The following ADAM22 variants were observed in gnomAD, a reference collection of about 807,000 sequenced individuals.
The protein encoded by ADAM22 is ADAM metallopeptidase domain 22.
ADAM22 carries 65 observed loss-of-function variants against 144.6 expected under a neutral mutation model. That is an observed-to-expected ratio of 0.45 (90% CI 0.37 to 0.55). The LOEUF (loss-of-function observed/expected upper bound fraction) is 0.55, where lower values mean the gene tolerates loss of function less well. ADAM22 is among the 20% of genes least tolerant of loss of function. ADAM22 has a pLI of 0.00. For synonymous variants in ADAM22, 391 were observed against 412.6 expected, an observed-to-expected ratio of 0.95 and a Z score of 0.63; for missense variants, 974 against 1,184.9, an observed-to-expected ratio of 0.82 and a Z score of 2.61.
chr7:87,948,709 A>G (rs1246717396), intron 2 of ADAM22, among the ~76,000 whole-genome samples: 2 of 152,190 alleles, frequency 1.3e-5, no homozygotes, highest in African/African-American at 4.8e-5. Flanking sequence ...GTATTCTAAA[A>G]GTAAAATTTG....
At position 88,193,121 on chromosome 7, in the gene ADAM22, T is replaced by C; in HGVS notation, c.2756T>C (p.Leu919Ser). 1 of 1,614,020 alleles carries C rather than the reference T, an allele frequency of 6.2e-7. No homozygotes were observed. The highest frequency in any genetic ancestry group is 8.5e-7 in the Non-Finnish European group (1 of 1,179,924). Reference sequence around the variant, plus strand: ...TCATGTTCTCAACATCTCAGGACTTTATCTCCTGCCAAGTCTCCTTCTTCA... The same window carrying C: ...TCATGTTCTCAACATCTCAGGACTTCATCTCCTGCCAAGTCTCCTTCTTCA... ...KNTEGPYFRT[L>S]SPAKSPSSST... Residue 919 changes from leucine (L) to serine (S), a missense_variant, in exon 31 of 32, where the codon TTA (leucine) becomes TCA (serine). Transcript: ENST00000413139.
At chr7:88,111,872 G>A (rs1362658750) in intron 5 of ADAM22, among the ~76,000 whole-genome samples, 1 of 152,096 alleles carries the variant, frequency 6.6e-6, no homozygotes, top group East Asian at 1.9e-4. Flanking sequence ...TACAGATAGT[G>A]TCAGAATCTG....
At chr7:88,085,442 A>G (rs1008142471) in intron 4 of ADAM22, among the ~76,000 whole-genome samples, 1 of 152,226 alleles carries the variant, frequency 6.6e-6, no homozygotes, top group Non-Finnish European at 1.5e-5. Flanking sequence ...AAAGAGCTGG[A>G]TGCAGTGTCA....
chr7:87,957,107 A>G (rs974270657), intron 2 of ADAM22, among the ~76,000 whole-genome samples: 1 of 152,180 alleles, frequency 6.6e-6, no homozygotes, highest in Non-Finnish European at 1.5e-5. Context: ...TAAGCTCAGT[A>G]CCTGTGAGGC....
intron 3 of ADAM22, among the ~76,000 whole-genome samples, chr7:87,990,178 C>A (rs1212081686): frequency 6.6e-6 from 1 of 152,044 alleles, no homozygotes; most frequent in Non-Finnish European, 1.5e-5. Flanking sequence ...AAGGACATGA[C>A]AACGTGGTCT....
Position 88,143,212 on chromosome 7 carries a change from TAGAG to T in ADAM22, c.1320+90_1320+93del, listed in dbSNP as rs951455151. On this transcript the variant is annotated intron_variant, in intron 15 of 31. Coordinates refer to ENST00000413139, the MANE Select transcript of ADAM22 (RefSeq NM_001324418.2). ...ATACACATTTTCAGCTATTGAATCTTAGAGAGCTTTTCAACTTGCCCTGTATGTA... is the reference window on the plus strand; with the variant it reads ...ATACACATTTTCAGCTATTGAATCTTAGCTTTTCAACTTGCCCTGTATGTA... The T allele has an allele frequency of 2.6e-5, 25 of 944,690 alleles. No individual in the cohort carries two copies. In the African/African-American group the frequency reaches 3.0e-4, roughly 11 times the overall value. The allele number at this position is 944,690 out of a possible 1,614,324, so 58.5% of individuals were successfully genotyped here.
chr7:88,167,371 T>G (rs1563375624), intron 24 of ADAM22, among the ~76,000 whole-genome samples: 1 of 152,070 alleles, frequency 6.6e-6, no homozygotes, highest in Non-Finnish European at 1.5e-5. Flanking sequence ...GCTGTGATGA[T>G]CCCCTTAAAG....
At chr7:88,065,070 A>T (rs895516576) in intron 3 of ADAM22, among the ~76,000 whole-genome samples, 1 of 152,176 alleles carries the variant, frequency 6.6e-6, no homozygotes, top group Non-Finnish European at 1.5e-5. Context: ...AAATTTTGTG[A>T]TAAGTACCCA....
chr7:88,144,905 A>G lies in ADAM22; in HGVS notation c.1321-220A>G, dbSNP rs533543602. ...GTTATATATATAAATATATAGGTAA[A>G]CTATTTACTATGTATATTAAATATG... On this transcript the variant is annotated intron_variant, in intron 15 of 31. Transcript: ENST00000413139. Among the ~76,000 whole-genome samples, 94 of 152,170 alleles carry G rather than the reference A, an allele frequency of 6.2e-4. 3 individuals carry two copies. The South Asian group carries it at 0.018, about 30-fold the overall frequency.
chr7:88,108,356 G>C, intron 5 of ADAM22, 98 bp downstream of exon 5: 1 of 934,398 alleles, frequency 1.1e-6, no homozygotes. Context: ...TTTGTGTCAA[G>C]AAATGACTTT....
At chr7:88,113,973 G>A (rs989463625) in intron 5 of ADAM22, among the ~76,000 whole-genome samples, 1 of 151,624 alleles carries the variant, frequency 6.6e-6, no homozygotes, top group African/African-American at 2.4e-5. Flanking sequence ...AATTTGGCAA[G>A]TTACTTTATC....
intron 31 of ADAM22, 92 bp from the exon 32 acceptor site, chr7:88,196,379 G>T: frequency 7.0e-7 from 1 of 1,429,386 alleles, no homozygotes. Flanking sequence ...CATATATATG[G>T]ATGGAATCAC....
chr7:88,049,290 G>T (rs1053386945), intron 3 of ADAM22, among the ~76,000 whole-genome samples: 2 of 152,102 alleles, frequency 1.3e-5, no homozygotes, highest in African/African-American at 4.8e-5. Flanking sequence ...GTCCATGTAG[G>T]GTAAATAACT....
chr7:87,967,898 A>G (rs1190134603), intron 2 of ADAM22, among the ~76,000 whole-genome samples: 1 of 150,764 alleles, frequency 6.6e-6, no homozygotes, highest in African/African-American at 2.4e-5. Context: ...CCCTCAATTT[A>G]GCTGGAAAGA....
chr7:88,130,939 C>T (rs1428178564), intron 10 of ADAM22, among the ~76,000 whole-genome samples: 2 of 152,080 alleles, frequency 1.3e-5, no homozygotes, highest in African/African-American at 4.8e-5. Context: ...TTTGGAGAGT[C>T]TTCATTGCTC....
intron 2 of ADAM22, among the ~76,000 whole-genome samples, chr7:87,968,667 A>G (rs1311630941): frequency 6.6e-6 from 1 of 152,178 alleles, no homozygotes. Context: ...GGTTACAGTG[A>G]GCTGTGACTG....
intron 2 of ADAM22, among the ~76,000 whole-genome samples, chr7:87,962,050 C>G (rs1167647610): frequency 1.3e-5 from 2 of 152,194 alleles, no homozygotes; most frequent in Non-Finnish European, 2.9e-5. Flanking sequence ...GACCACCAAA[C>G]TCACTAACAA....
chr7:88,023,775 A>G (rs1292402687), intron 3 of ADAM22, among the ~76,000 whole-genome samples: 1 of 152,024 alleles, frequency 6.6e-6, no homozygotes, highest in Non-Finnish European at 1.5e-5. Context: ...CAAATATTAG[A>G]TTTTATTGAT....
At chr7:87,935,275 T>A in intron 2 of ADAM22, 89 bp downstream of exon 2, 1 of 1,388,260 alleles carries the variant, frequency 7.2e-7, no homozygotes, top group Non-Finnish European at 9.5e-7. Context: ...GGAGATCCCA[T>A]GTCTTCTTGG....
Sources: gnomAD v4.1 joint callset for allele counts (sites outside exome capture counted in the v4.1 genomes callset) on GRCh38, gnomAD v4.1.1 for gene constraint, MANE v1.5 for transcripts, NCBI Gene and HGNC (gene_info 2026-07-23, HGNC 2026-07-21) for gene names.